FAHD1: variants seen among roughly 807,000 people sequenced by gnomAD.
The protein encoded by FAHD1 is oxaloacetate tautomerase FAHD1, mitochondrial.
A neutral mutation model predicts 12.7 loss-of-function variants in FAHD1; 14 were observed. That is an observed-to-expected ratio of 1.10 (90% CI 0.73 to 1.72). The LOEUF (loss-of-function observed/expected upper bound fraction) is 1.72, where lower values mean the gene tolerates loss of function less well. Among genes scored for constraint, FAHD1 ranks in the 40% most tolerant of loss-of-function variants. The pLI is 0.00. For synonymous variants in FAHD1, 153 were observed against 124.9 expected (o/e 1.22, Z -1.50); for missense variants, 351 against 298.9 (o/e 1.17, Z -1.29).
exon 1 of FAHD1, chr16:1,827,944 CAA>C (rs765899853): frequency 9.5e-6 from 15 of 1,585,746 alleles, no homozygotes; most frequent in Non-Finnish European, 1.3e-5. Flanking sequence ...GGGAGCAAGA[CAA>C]GAGCAAGCAA....
chr16:1,833,430 C>A (rs558178500), downstream of FAHD1, among the ~76,000 whole-genome samples: 6 of 152,260 alleles, frequency 3.9e-5, no homozygotes, highest in South Asian at 1.2e-3. Context: ...TCAAAGCAGT[C>A]GCACAGGATT....
At chr16:1,838,333 G>A (rs1323642874) in intron 2 of FAHD1, among the ~76,000 whole-genome samples, 9 of 152,164 alleles carry the variant, frequency 5.9e-5, no homozygotes, top group Admixed American at 5.9e-4. Context: ...GATAAGGCAG[G>A]AAAGGCTATA....
downstream of FAHD1, among the ~76,000 whole-genome samples, chr16:1,832,091 A>C (rs1024419066): frequency 6.6e-5 from 10 of 152,030 alleles, no homozygotes; most frequent in Non-Finnish European, 1.2e-4. Context: ...AGGAAAAAAA[A>C]CTACCATGTT....
At chr16:1,828,787 A>G (rs1898566824) in exon 1 of FAHD1, 1 of 996,320 alleles carries the variant, frequency 1.0e-6, no homozygotes, top group Admixed American at 6.1e-5. Flanking sequence ...AATTTTACTT[A>G]ATAAGTGAAC....
At chr16:1,827,319 C>A in exon 1 of FAHD1, 1 of 1,613,234 alleles carries the variant, frequency 6.2e-7, no homozygotes, top group Non-Finnish European at 8.5e-7. Flanking sequence ...ACGCGGACCA[C>A]GTCAGGGAGA....
chr16:1,838,184 G>T (rs976889271), intron 2 of FAHD1: 1 of 480,444 alleles, frequency 2.1e-6, no homozygotes, highest in South Asian at 4.5e-5. Flanking sequence ...ATGTTTTGTA[G>T]AGACAGGGTC....
exon 1 of FAHD1, chr16:1,827,411 T>G (rs1313866546): frequency 6.2e-7 from 1 of 1,610,588 alleles, no homozygotes; most frequent in Non-Finnish European, 8.5e-7. Flanking sequence ...CCCATCCTCA[T>G]GCCCGCGTAC....
exon 1 of FAHD1, chr16:1,828,125 C>CA (rs892640146): frequency 1.9e-5 from 19 of 979,614 alleles, no homozygotes; most frequent in African/African-American, 5.0e-5. Flanking sequence ...ACTAAAAATA[C>CA]AAAAAATTAG....
exon 1 of FAHD1, chr16:1,828,904 C>T: frequency 3.0e-6 from 3 of 1,000,152 alleles, no homozygotes; most frequent in Non-Finnish European, 3.6e-6. Context: ...AAGGTGCTCC[C>T]TTCTAAGTGG....
chr16:1,839,226 C>G, intron 2 of FAHD1: 1 of 1,539,366 alleles, frequency 6.5e-7, no homozygotes, highest in Non-Finnish European at 8.7e-7. Flanking sequence ...TGGAAATATT[C>G]TAAACATTTC....
chr16:1,831,302 C>T (rs188168083), downstream of FAHD1, among the ~76,000 whole-genome samples: 53 of 152,184 alleles, frequency 3.5e-4, no homozygotes, highest in African/African-American at 1.2e-3. Flanking sequence ...TTCTTGTTCC[C>T]GTGATTTGCT....
chr16:1,833,760 A>G (rs2142068710), downstream of FAHD1, among the ~76,000 whole-genome samples: 1 of 151,770 alleles, frequency 6.6e-6, no homozygotes, highest in African/African-American at 2.4e-5. Flanking sequence ...ATGGGGTTTC[A>G]CTGTGTTAGC....
chr16:1,827,465 G>A, exon 1 of FAHD1: 1 of 1,611,402 alleles, frequency 6.2e-7, no homozygotes, highest in East Asian at 2.2e-5. Context: ...GTGGTGATGG[G>A]CAAGCGCTGC....
chr16:1,830,913 T>TACACACACACACA (rs1567269113), downstream of FAHD1, among the ~76,000 whole-genome samples: 1 of 50,618 alleles, frequency 2.0e-5, no homozygotes, highest in African/African-American at 7.9e-5. Context: ...CCTCTCTCTC[T>TACACACACACACA]CTATACACAC....
chr16:1,839,500 CAGAA>C lies in FAHD1; in HGVS notation c.*249_*252del. 3 of 1,449,228 alleles carry C rather than the reference CAGAA, an allele frequency of 2.1e-6. No individual in the cohort carries two copies. In the South Asian group the frequency reaches 4.0e-5, roughly 19 times the overall value. 89.8% of individuals were successfully genotyped at this position (1,449,228 alleles called of 1,614,324 possible). A position where few individuals can be genotyped will look rare whatever the true frequency, so the allele number is the denominator to read the frequency against. On this transcript the variant is annotated 3_prime_UTR_variant, in exon 3 of 3. Coordinates refer to the FAHD1 transcript ENST00000382666. ...CCTAAGCTACAAATTTCATCTGTAG[CAGAA>C]AAAGAATTGTCACTAAAAACTCTAC...
exon 1 of FAHD1, chr16:1,828,207 G>A: frequency 3.3e-6 from 3 of 910,788 alleles, no homozygotes; most frequent in Middle Eastern, 1.0e-3. Context: ...ATTGAACCCG[G>A]GAGGCGGAGC....
chr16:1,835,390 A>G (rs1463989990), intron 1 of FAHD1, among the ~76,000 whole-genome samples: 1 of 152,224 alleles, frequency 6.6e-6, no homozygotes, highest in East Asian at 1.9e-4. Context: ...ACATAATTTA[A>G]TAATAGTCTT....
intron 1 of FAHD1, chr16:1,837,991 CTCAA>C: frequency 6.9e-7 from 1 of 1,439,026 alleles, no homozygotes; most frequent in Non-Finnish European, 9.2e-7. Flanking sequence ...GTAATTACAG[CTCAA>C]TCGTTTGTTT....
At chr16:1,829,195 C>A (rs1010042645), downstream of FAHD1, among the ~76,000 whole-genome samples, 1 of 152,188 alleles carries the variant, frequency 6.6e-6, no homozygotes, top group Non-Finnish European at 1.5e-5. Flanking sequence ...CTTTGGGCTT[C>A]GGCAGGGGTT....
Sources: gnomAD v4.1 joint callset for allele counts (sites outside exome capture counted in the v4.1 genomes callset) on GRCh38, gnomAD v4.1.1 for gene constraint, MANE v1.5 for transcripts, NCBI Gene and HGNC (gene_info 2026-07-23, HGNC 2026-07-21) for gene names.